Variants in CPVL observed in about 807,000 individuals in gnomAD.
CPVL encodes probable serine carboxypeptidase CPVL.
CPVL carries 51 observed loss-of-function variants against 63.7 expected under a neutral mutation model. The observed-to-expected ratio is 0.80, with a 90% CI of 0.64 to 1.01. CPVL has a LOEUF of 1.01. Ranked by LOEUF, CPVL falls within the 50% of genes least tolerant of loss-of-function variation. CPVL has a pLI of 0.00. For missense variants in CPVL, 530 were observed against 573.1 expected (o/e 0.92, Z 0.77); for synonymous variants, 195 against 206.0 (o/e 0.95, Z 0.46).
intron 11 of CPVL, among the ~76,000 whole-genome samples, chr7:29,062,483 T>C (rs911036732): frequency 6.6e-5 from 10 of 152,224 alleles, no homozygotes; most frequent in African/African-American, 2.2e-4. Flanking sequence ...TCATCAAGTT[T>C]TGCAGGTTTA....
At chr7:29,004,896 C>CTTTTTTTTTTTTTTTTTTTTTTTTT (rs555443117) in intron 12 of CPVL, among the ~76,000 whole-genome samples, 1 of 144,852 alleles carries the variant, frequency 6.9e-6, no homozygotes, top group African/African-American at 2.6e-5. Flanking sequence ...TTTTTCTTTT[C>CTTTTTTTTTTTTTTTTTTTTTTTTT]TTTTCTTTTT....
chr7:29,005,723 C>T (rs1340031880), intron 12 of CPVL, among the ~76,000 whole-genome samples: 1 of 152,216 alleles, frequency 6.6e-6, no homozygotes, highest in Non-Finnish European at 1.5e-5. Context: ...CTGTCTTTTT[C>T]CCCTTTTAGG....
At chr7:29,058,852 T>C (rs1463978687) in intron 11 of CPVL, among the ~76,000 whole-genome samples, 1 of 152,094 alleles carries the variant, frequency 6.6e-6, no homozygotes, top group East Asian at 1.9e-4. Context: ...TTTTTGAAGC[T>C]TCCATATGAC....
chr7:29,016,598 C>G (rs1009175060), intron 12 of CPVL, among the ~76,000 whole-genome samples: 2 of 152,112 alleles, frequency 1.3e-5, no homozygotes, highest in Non-Finnish European at 2.9e-5. Context: ...GGAGAAGCCC[C>G]TGAGCACAGT....
intron 5 of CPVL, among the ~76,000 whole-genome samples, chr7:29,163,151 A>G: frequency 6.6e-6 from 1 of 152,122 alleles, no homozygotes; most frequent in East Asian, 1.9e-4. Context: ...TTAAAAAAAG[A>G]TACTCAATTC....
intron 12 of CPVL, among the ~76,000 whole-genome samples, chr7:29,020,901 C>T (rs1170878304): frequency 3.9e-5 from 6 of 152,118 alleles, no homozygotes; most frequent in African/African-American, 1.2e-4. Flanking sequence ...ACAGGCCGAG[C>T]GTGGTGGCTC....
chr7:29,073,512 C>T (rs952189014), intron 7 of CPVL, among the ~76,000 whole-genome samples: 1 of 152,172 alleles, frequency 6.6e-6, no homozygotes, highest in Admixed American at 6.5e-5. Flanking sequence ...CCCTGCCACC[C>T]TCTCGCTCAT....
At chr7:29,012,914 G>A (rs1257217026) in intron 12 of CPVL, 1 of 152,210 alleles carries the variant, frequency 6.6e-6, no homozygotes, top group Non-Finnish European at 1.5e-5. Context: ...CTACAGAGCA[G>A]GTGTGGAAAT....
At chr7:29,145,494 G>A (rs963095872) in intron 1 of CPVL, among the ~76,000 whole-genome samples, 14 of 145,828 alleles carry the variant, frequency 9.6e-5, no homozygotes, top group African/African-American at 3.5e-4. Context: ...AAGGTGGGGG[G>A]CTCAGAGGTG....
intron 11 of CPVL, among the ~76,000 whole-genome samples, chr7:29,036,085 A>G (rs1437187396): frequency 6.6e-6 from 1 of 152,128 alleles, no homozygotes; most frequent in Non-Finnish European, 1.5e-5. Flanking sequence ...CTGTCTTCCA[A>G]TCAATTCCAT....
intron 11 of CPVL, among the ~76,000 whole-genome samples, chr7:29,055,223 T>C (rs564729652): frequency 1.3e-5 from 2 of 152,280 alleles, no homozygotes. Flanking sequence ...TCTGAGAGAC[T>C]GTAAACACCT....
chr7:29,096,020 G>C, intron 4 of CPVL, 83 bp downstream of exon 4: 1 of 1,048,364 alleles, frequency 9.5e-7, no homozygotes, highest in South Asian at 1.3e-5. Flanking sequence ...TAGTGGTTCA[G>C]TGTTTACTCT....
intron 5 of CPVL, among the ~76,000 whole-genome samples, chr7:29,157,766 T>C (rs1361526975): frequency 6.6e-6 from 1 of 152,180 alleles, no homozygotes; most frequent in Non-Finnish European, 1.5e-5. Context: ...CTCATTTTTC[T>C]GCCAGAACAA....
chr7:29,152,016 C>G (rs1023025336), intron 5 of CPVL, among the ~76,000 whole-genome samples: 2 of 152,124 alleles, frequency 1.3e-5, no homozygotes, highest in African/African-American at 4.8e-5. Flanking sequence ...TTATTTTCTT[C>G]GAATGGAAAT....
intron 5 of CPVL, among the ~76,000 whole-genome samples, chr7:29,163,435 T>A (rs918011123): frequency 6.6e-6 from 1 of 152,200 alleles, no homozygotes; most frequent in Non-Finnish European, 1.5e-5. Context: ...ATGTGATTCA[T>A]ATTATATTTC....
intron 11 of CPVL, among the ~76,000 whole-genome samples, chr7:29,045,333 G>A (rs901728224): frequency 6.6e-6 from 1 of 151,876 alleles, no homozygotes; most frequent in Non-Finnish European, 1.5e-5. Flanking sequence ...GGATTATAAC[G>A]GATACAGATA....
At chr7:29,130,894 A>G (rs892931269) in intron 1 of CPVL, among the ~76,000 whole-genome samples, 3 of 152,232 alleles carry the variant, frequency 2.0e-5, no homozygotes, top group African/African-American at 4.8e-5. Context: ...AGGTCCACAG[A>G]TTGCTTCATA....
rs553108252 is a variant in CPVL at position 29,163,991 on chromosome 7, T to A, written c.-11+17299A>T. ...GCTGCTGTTAACATTCGTGGACAAG[T>A]CCTTATGTGGACATATGCTTTCGTT... is the stretch of plus-strand genomic sequence containing the variant. On this transcript the variant is annotated intron_variant, in intron 5 of 16. Coordinates refer to the CPVL transcript ENST00000409850. 2.6e-5 allele frequency among the ~76,000 whole-genome samples: 4 copies of A among 152,362 alleles called. No homozygotes were observed. In the East Asian group the frequency reaches 7.7e-4, roughly 29 times the overall value.
intron 9 of CPVL, among the ~76,000 whole-genome samples, chr7:29,069,669 G>A (rs1783523727): frequency 6.6e-6 from 1 of 152,022 alleles, no homozygotes. Flanking sequence ...TGGAAATGGG[G>A]GAAGCAATTC....
Sources: allele counts gnomAD v4.1 joint callset (sites outside exome capture counted in the v4.1 genomes callset), GRCh38; gene constraint gnomAD v4.1.1; transcripts MANE v1.5; gene names NCBI Gene and HGNC (gene_info 2026-07-23, HGNC 2026-07-21).